RIMBP2: variants seen among roughly 807,000 people sequenced by gnomAD.
RIMBP2 encodes RIMS binding protein 2, also known as RIMS-binding protein 2.
A neutral mutation model predicts 118.6 loss-of-function variants in RIMBP2; 48 were observed. That is an observed-to-expected ratio of 0.40 (90% confidence interval 0.32 to 0.51). RIMBP2 has a LOEUF of 0.51. Among genes scored for constraint, RIMBP2 ranks in the 20% least tolerant of loss-of-function variants. RIMBP2 has a pLI of 0.41. For missense variants in RIMBP2, 1,551 were observed against 1,768.3 expected, an observed-to-expected ratio of 0.88 and a Z score of 2.20; for synonymous variants, 762 against 742.9, an observed-to-expected ratio of 1.03 and a Z score of -0.42.
Position 130,710,876 on chromosome 12 carries a change from C to A in RIMBP2, c.-352+5346G>T, listed in dbSNP as rs1949868759. Among the ~76,000 whole-genome samples the A allele has an allele frequency of 6.6e-6, 1 of 152,254 alleles. No homozygotes were observed. The highest frequency in any genetic ancestry group is 2.1e-4 in the South Asian group (1 of 4,834). On this transcript the variant is annotated intron_variant, in intron 1 of 22. Transcript: ENST00000690449. This position sits in a 1 kb window ranked among gnomAD's most constrained non-coding sequence, Gnocchi z 4.3. Reference sequence around the variant, plus strand: ...CCCCACTGCTCCCAATCCTCACAGGCCCCGCACGTCACACGTGGGGTCCCA... The same window carrying A: ...CCCCACTGCTCCCAATCCTCACAGGACCCGCACGTCACACGTGGGGTCCCA...
intron 3 of RIMBP2, among the ~76,000 whole-genome samples, chr12:130,516,979 T>C (rs757481921): frequency 1.3e-5 from 2 of 152,128 alleles, no homozygotes; most frequent in African/African-American, 4.8e-5. Flanking sequence ...GGGGCACGTC[T>C]GGTGCTGAGA....
At position 130,652,994 on chromosome 12, in the gene RIMBP2, G is replaced by GATC. The variant is rs551450018; in HGVS notation, c.-351-24541_-351-24539dup. ...CACAAGGCCCCTTCCCAACAGTGAG[G>GATC]ATCACATTTTGACATGAGATTTGGA... is the stretch of plus-strand genomic sequence containing the variant. On this transcript the variant is annotated intron_variant, in intron 1 of 22. Transcript: ENST00000690449. Among the ~76,000 whole-genome samples the GATC allele has an allele frequency of 7.8e-3, 1,195 of 152,254 alleles. 12 individuals carry two copies. Among genetic ancestry groups the GATC allele is most frequent in the South Asian group, 0.063 (302 of 4,814 alleles).
intron 2 of RIMBP2, among the ~76,000 whole-genome samples, chr12:130,548,080 T>C (rs2055352769): frequency 6.6e-6 from 1 of 151,976 alleles, no homozygotes; most frequent in Non-Finnish European, 1.5e-5. Context: ...CCAAAGACCA[T>C]CAAAGACCAA....
At chr12:130,591,002 C>T (rs750248192) in intron 2 of RIMBP2, among the ~76,000 whole-genome samples, 2 of 152,222 alleles carry the variant, frequency 1.3e-5, no homozygotes, top group Non-Finnish European at 2.9e-5. Context: ...GAGAGCAACG[C>T]ACTTGGACTT....
intron 14 of RIMBP2, chr12:130,429,487 G>A (rs887305273): frequency 1.3e-5 from 2 of 151,928 alleles, no homozygotes; most frequent in East Asian, 1.9e-4. Context: ...GTAAACCTTC[G>A]ACAACTCGAA....
At chr12:130,536,069 G>A (rs781552921) in intron 2 of RIMBP2, among the ~76,000 whole-genome samples, 5 of 152,072 alleles carry the variant, frequency 3.3e-5, no homozygotes, top group East Asian at 1.9e-4. Context: ...CATTACAGGC[G>A]TGAGCCATCA....
chr12:130,661,067 A>G (rs1489596956), intron 1 of RIMBP2, among the ~76,000 whole-genome samples: 1 of 152,176 alleles, frequency 6.6e-6, no homozygotes, highest in Non-Finnish European at 1.5e-5. Flanking sequence ...AAAGTACATA[A>G]TATCTCAGAT....
chr12:130,482,099 A>G (rs910955528), intron 4 of RIMBP2, among the ~76,000 whole-genome samples: 1 of 151,534 alleles, frequency 6.6e-6, no homozygotes, highest in Non-Finnish European at 1.5e-5. Context: ...CGCTTTGGGA[A>G]CTCTTCTCCA....
Position 130,650,509 on chromosome 12 carries a change from A to T in RIMBP2, c.-351-22053T>A, listed in dbSNP as rs552605846. ...GAAGCCCTGCCATAGGGCGTGACCC[A>T]GTCACAGGGGCCTGCCCACCTGGGG... On this transcript the variant is annotated intron_variant, in intron 1 of 22. Coordinates refer to ENST00000690449, the MANE Select transcript of RIMBP2 (RefSeq NM_001393629.1). Among the ~76,000 whole-genome samples, 6 of 152,396 alleles carry T rather than the reference A, an allele frequency of 3.9e-5. No homozygotes were observed. In the South Asian group the frequency reaches 1.2e-3, roughly 32 times the overall value.
At chr12:130,580,496 CTG>C (rs1269756478) in intron 2 of RIMBP2, among the ~76,000 whole-genome samples, 3 of 152,256 alleles carry the variant, frequency 2.0e-5, no homozygotes, top group Admixed American at 6.5e-5. Flanking sequence ...CCATGTGGAA[CTG>C]TGAGTCCATT....
At chr12:130,513,924 T>G (rs4759708) in intron 3 of RIMBP2, among the ~76,000 whole-genome samples, 35,481 of 152,170 alleles carry the variant, frequency 0.23, 4,505 homozygotes, top group East Asian at 0.33. Context: ...AAGGACACTG[T>G]TGTTTCTGCA....
chr12:130,524,886 C>G (rs2052599298), intron 2 of RIMBP2, among the ~76,000 whole-genome samples: 1 of 152,100 alleles, frequency 6.6e-6, no homozygotes, highest in African/African-American at 2.4e-5. Context: ...GCTGCAGAGG[C>G]AGGGAGGAGG....
chr12:130,509,727 C>T (rs865922174), intron 3 of RIMBP2, among the ~76,000 whole-genome samples: 1 of 132,656 alleles, frequency 7.5e-6, no homozygotes, highest in Non-Finnish European at 1.6e-5. Context: ...ATGCCCTCTG[C>T]CCCCCCGCCC....
rs544348405 is a variant in RIMBP2 at position 130,632,936 on chromosome 12, C to T, written c.-351-4480G>A. 2.0e-4 allele frequency among the ~76,000 whole-genome samples: 30 copies of T among 152,298 alleles called. No homozygotes were observed. In the South Asian group the frequency reaches 2.5e-3, roughly 13 times the overall value. ...TGGAACACCAGGACACATAAAACAC[C>T]GGCCACCTGCTCTGCCCCATAAACA... On this transcript the variant is annotated intron_variant, in intron 1 of 22. Coordinates refer to ENST00000690449, the MANE Select transcript of RIMBP2 (RefSeq NM_001393629.1).
At chr12:130,597,101 A>T (rs1295231830) in intron 2 of RIMBP2, among the ~76,000 whole-genome samples, 1 of 152,376 alleles carries the variant, frequency 6.6e-6, no homozygotes, top group South Asian at 2.1e-4. Context: ...TGAGGCTAGC[A>T]TTAGTTACCC....
chr12:130,422,638 G>A lies in RIMBP2; in HGVS notation c.3130-77C>T, dbSNP rs1020115492. On this transcript the variant is annotated intron_variant, in intron 16 of 22. Coordinates refer to ENST00000690449, the MANE Select transcript of RIMBP2 (RefSeq NM_001393629.1). This position sits in a 1 kb window ranked among gnomAD's most constrained non-coding sequence, Gnocchi z 5.2. ...AAGAATTCAGTTAGCCAAATCAAGC[G>A]GGTTGAAAAGCAGAATCTGTAAAGG... 8.6e-6 allele frequency: 9 copies of A among 1,051,996 alleles called. No individual in the cohort carries two copies. The highest frequency in any genetic ancestry group is 5.2e-5 in the East Asian group (2 of 38,346). 65.2% of individuals were successfully genotyped at this position (1,051,996 alleles called of 1,614,324 possible).
intron 17 of RIMBP2, 46 bp from the exon 18 acceptor site, chr12:130,414,352 T>A (rs373321059): frequency 2.6e-6 from 4 of 1,516,002 alleles, no homozygotes; most frequent in Non-Finnish European, 3.5e-6. Flanking sequence ...TGAGCCTAAC[T>A]GAGGAGCGTG....
chr12:130,513,046 C>T (rs2051086816), intron 3 of RIMBP2, among the ~76,000 whole-genome samples: 1 of 152,104 alleles, frequency 6.6e-6, no homozygotes, highest in Non-Finnish European at 1.5e-5. Context: ...CATCTCATAC[C>T]AGTGTTTCCT....
chr12:130,581,566 A>C lies in RIMBP2; in HGVS notation c.-217+46756T>G, dbSNP rs557498892. 1.9e-3 allele frequency among the ~76,000 whole-genome samples: 284 copies of C among 152,264 alleles called. No homozygotes were observed. The highest frequency in any genetic ancestry group is 6.5e-3 in the African/African-American group (270 of 41,566). Reference sequence around the variant, plus strand: ...CCCCACCCCACAGCCCTCCCGTGCCAGTAGGTGGCAATTCCAGGCTCTCGC... The same window carrying C: ...CCCCACCCCACAGCCCTCCCGTGCCCGTAGGTGGCAATTCCAGGCTCTCGC... On this transcript the variant is annotated intron_variant, in intron 2 of 22. Transcript: ENST00000690449. The surrounding 1 kb of genome is among the most constrained non-coding windows in gnomAD (Gnocchi z 4.4).
Sources: allele counts gnomAD v4.1 joint callset (sites outside exome capture counted in the v4.1 genomes callset), GRCh38; gene constraint gnomAD v4.1.1; non-coding constraint Gnocchi (gnomAD v3.1); transcripts MANE v1.5; gene names NCBI Gene and HGNC (gene_info 2026-07-23, HGNC 2026-07-21).